The following FANCE variants were observed in gnomAD, a reference collection of about 807,000 sequenced individuals.
FANCE encodes FA complementation group E.
FANCE carries 42 observed loss-of-function variants against 57.8 expected under a neutral mutation model. The observed-to-expected ratio is 0.73, with a 90% confidence interval of 0.57 to 0.94. The LOEUF (loss-of-function observed/expected upper bound fraction) is 0.94. Ranked by LOEUF, FANCE falls within the 40% of genes least tolerant of loss-of-function variation. The pLI is 0.00. For missense variants in FANCE, 608 were observed against 661.8 expected (o/e 0.92, Z 0.89); for synonymous variants, 251 against 286.4 (o/e 0.88, Z 1.25).
intron 3 of FANCE, 67 bp downstream of exon 3, chr6:35,457,667 A>G: frequency 6.4e-7 from 1 of 1,557,988 alleles, no homozygotes; most frequent in East Asian, 2.2e-5. Context: ...AACTATGCCC[A>G]AGGAAGGCCC....
chr6:35,458,550 G>A, intron 5 of FANCE, 110 bp downstream of exon 5: 1 of 1,368,238 alleles, frequency 7.3e-7, no homozygotes, highest in Non-Finnish European at 1.0e-6. Context: ...TAGACATCTG[G>A]GCTGTTTGGG....
intron 7 of FANCE, 125 bp downstream of exon 7, chr6:35,459,885 C>T (rs1767516017): frequency 5.1e-6 from 4 of 786,612 alleles, no homozygotes; most frequent in African/African-American, 1.7e-5. Context: ...TGTATCATCT[C>T]ACTCCATCCT....
At chr6:35,453,369 G>A (rs899564373) in intron 1 of FANCE, among the ~76,000 whole-genome samples, 1 of 151,792 alleles carries the variant, frequency 6.6e-6, no homozygotes, top group African/African-American at 2.4e-5. Context: ...CAGAGGTGTC[G>A]GCCCTGCCAT....
rs1174486332 is a variant in FANCE at position 35,458,403 on chromosome 6, A to G, written c.1076A>G (p.Asn359Ser). 1 of 1,614,132 alleles carries G rather than the reference A, an allele frequency of 6.2e-7. No homozygotes were observed. Residue 359 changes from asparagine (N) to serine (S), a missense_variant, in exon 5 of 10, where the codon AAT (asparagine) becomes AGT (serine). Coordinates refer to ENST00000229769, the MANE Select transcript of FANCE (RefSeq NM_021922.3). ...LALSPDLSLSNATVLTRSLFL... is the reference protein window; with the variant it reads ...LALSPDLSLSSATVLTRSLFL... Reference sequence around the variant, plus strand: ...CTTTCACCTGATCTCAGCCTCAGCAATGCTACTGTGCTGACCAGAAGCCTC... The same window carrying G: ...CTTTCACCTGATCTCAGCCTCAGCAGTGCTACTGTGCTGACCAGAAGCCTC...
In FANCE at chr6:35,466,414, C is replaced by T; in HGVS notation, c.*69C>T. The T allele has an allele frequency of 9.7e-7, 1 of 1,031,442 alleles. No homozygotes were observed. Among genetic ancestry groups the T allele is most frequent in the South Asian group, 1.3e-5 (1 of 79,004 alleles). The allele number at this position is 1,031,442 out of a possible 1,614,324, so 63.9% of individuals were successfully genotyped here. The stretch of plus-strand genomic sequence containing the variant: ...TCCTGAAGGGCATTTCTTTCTTCAC[C>T]ACCTTGTCTTGAGCCCTAGCCTGAG... On this transcript the variant is annotated 3_prime_UTR_variant, in exon 10 of 10. Transcript: ENST00000229769.
intron 8 of FANCE, among the ~76,000 whole-genome samples, chr6:35,462,440 G>A (rs553606117): frequency 1.7e-4 from 26 of 152,126 alleles, no homozygotes; most frequent in Non-Finnish European, 3.7e-4. Context: ...GGTGATTAAG[G>A]TGGCAGTGTC....
Position 35,457,944 on chromosome 6 carries a change from C to G in FANCE, c.929C>G (p.Pro310Arg), listed in dbSNP as rs139600847. 130 of 1,614,186 alleles carry G rather than the reference C, an allele frequency of 8.1e-5. 1 individual carries two copies. In the African/African-American group the frequency reaches 1.1e-3, roughly 13 times the overall value. ...EGLEGLEDAP[P>R]VELQLLHECS... ...TTAGAGGGATTGGAGGATGCCCCCC[C>G]AGTTGAGCTACAGCTTCTTCACGAA... is the stretch of plus-strand genomic sequence containing the variant. The change falls in exon 4 of 10, where the codon CCA (proline) becomes CGA (arginine). Residue 310 changes from proline to arginine, a missense_variant. By Grantham distance (103) the Pro-to-Arg change is moderately radical. Coordinates refer to ENST00000229769, the MANE Select transcript of FANCE (RefSeq NM_021922.3).
At chr6:35,454,765 C>T (rs11966402) in intron 1 of FANCE, among the ~76,000 whole-genome samples, 8,100 of 152,344 alleles carry the variant, frequency 0.053, 314 homozygotes, top group African/African-American at 0.12. Flanking sequence ...TCCCCTTTGG[C>T]TCTGTGCATA....
intron 9 of FANCE, among the ~76,000 whole-genome samples, chr6:35,465,845 G>C (rs1009569221): frequency 6.6e-6 from 1 of 152,178 alleles, no homozygotes; most frequent in African/African-American, 2.4e-5. Flanking sequence ...GAGAAAGTGT[G>C]ATCCAAAAGG....
chr6:35,457,552 AC>A lies in FANCE; in HGVS notation c.856-3del. 2 of 1,613,802 alleles carry A rather than the reference AC, an allele frequency of 1.2e-6. No individual in the cohort carries two copies. Among genetic ancestry groups the A allele is most frequent in the Non-Finnish European group, 1.7e-6 (2 of 1,180,018 alleles). ...CGTAGCAGTGACTGGGCTCTCCTCCACAGGACCAGCTTCCCAGGCTGCAGCA... is the reference window on the plus strand; with the variant it reads ...CGTAGCAGTGACTGGGCTCTCCTCCAAGGACCAGCTTCCCAGGCTGCAGCA... On this transcript the variant is annotated splice_polypyrimidine_tract_variant and splice_region_variant and intron_variant, in intron 2 of 9. Coordinates refer to ENST00000229769, the MANE Select transcript of FANCE (RefSeq NM_021922.3).
chr6:35,454,431 A>T (rs1235923281), intron 1 of FANCE, among the ~76,000 whole-genome samples: 1 of 152,174 alleles, frequency 6.6e-6, no homozygotes, highest in Non-Finnish European at 1.5e-5. Flanking sequence ...ACAAAGAAAT[A>T]GTTGTCTTTT....
At position 35,460,614 on chromosome 6, in the gene FANCE, G is replaced by A. The variant is rs541746126; in HGVS notation, c.1379G>A (p.Arg460Gln). 23 of 1,613,922 alleles carry A rather than the reference G, an allele frequency of 1.4e-5. No individual in the cohort carries two copies. The highest frequency in any genetic ancestry group is 8.9e-5 in the East Asian group (4 of 44,882). ...TTGGTGTTGCAGTCACTCCTAGAGC[G>A]GCAGGTGAGCAGGCTGCCCTGGGGA... ...TFLVLQSLLE[R>Q]QVEMTPEKFS... The change falls in exon 8 of 10, where the codon CGG becomes CAG. Residue 460 changes from arginine to glutamine, a missense_variant. Transcript: ENST00000229769.
chr6:35,461,725 G>A (rs1767596449), intron 8 of FANCE, among the ~76,000 whole-genome samples: 1 of 149,618 alleles, frequency 6.7e-6, no homozygotes. Context: ...TCAGCTCACT[G>A]CAAGCTCTGC....
At chr6:35,453,535 A>G (rs1354269895) in intron 1 of FANCE, among the ~76,000 whole-genome samples, 4 of 152,148 alleles carry the variant, frequency 2.6e-5, no homozygotes, top group African/African-American at 9.7e-5. Flanking sequence ...ACTAAAACAC[A>G]CAGAAAAATG....
In FANCE at chr6:35,458,220, T is replaced by A. The variant is rs1767425816; in HGVS notation, c.970-77T>A. ...TATCTTTGCCCTGCTCTGTCTGCTGTCCAGTTGCTTGAGACAGCCTAGCAG... is the reference window on the plus strand; with the variant it reads ...TATCTTTGCCCTGCTCTGTCTGCTGACCAGTTGCTTGAGACAGCCTAGCAG... On this transcript the variant is annotated intron_variant, in intron 4 of 9. Transcript: ENST00000229769. The A allele has an allele frequency of 2.5e-5, 40 of 1,577,790 alleles. 1 individual carries two copies. The South Asian group carries it at 4.4e-4, about 17-fold the overall frequency.
intron 2 of FANCE, among the ~76,000 whole-genome samples, chr6:35,457,333 G>C (rs1234444626): frequency 6.6e-6 from 1 of 151,980 alleles, no homozygotes; most frequent in East Asian, 1.9e-4. Context: ...GTCTCAACTA[G>C]TTGTGCAGGC....
chr6:35,456,017 G>T lies in FANCE; in HGVS notation c.519G>T (p.Leu173=), dbSNP rs1323396871. The change falls in exon 2 of 10, where the codon CTG becomes CTT. Residue 173 remains leucine, a synonymous_variant. Coordinates refer to ENST00000229769, the MANE Select transcript of FANCE (RefSeq NM_021922.3). This position sits in a 1 kb window ranked among gnomAD's most constrained non-coding sequence, Gnocchi z 4.3. ...QLQSLCRGLG[L]GGRRLKSPQA... ...AAAGTCTATGTAGGGGGCTGGGCCT[G>T]GGGGGCAGGAGGTTGAAATCCCCCC... 3 of 1,612,680 alleles carry T rather than the reference G, an allele frequency of 1.9e-6. No homozygotes were observed. Among genetic ancestry groups the T allele is most frequent in the Admixed American group, 1.7e-5 (1 of 59,894 alleles).
intron 9 of FANCE, among the ~76,000 whole-genome samples, chr6:35,464,628 C>T (rs1425572001): frequency 6.6e-6 from 1 of 152,004 alleles, no homozygotes; most frequent in Non-Finnish European, 1.5e-5. Flanking sequence ...GCTGGGATTA[C>T]AGGCTTGAGC....
intron 1 of FANCE, among the ~76,000 whole-genome samples, chr6:35,454,551 T>G (rs888190376): frequency 6.6e-6 from 1 of 152,338 alleles, no homozygotes; most frequent in East Asian, 1.9e-4. Flanking sequence ...CTGCCATGAC[T>G]TGCCACACCA....
Sources: gnomAD v4.1 joint callset for allele counts (sites outside exome capture counted in the v4.1 genomes callset) on GRCh38, gnomAD v4.1.1 for gene constraint, Gnocchi (gnomAD v3.1) non-coding constraint, MANE v1.5 for transcripts, NCBI Gene and HGNC (gene_info 2026-07-23, HGNC 2026-07-21) for gene names.